The following TIAM1 variants were observed in gnomAD, a reference collection of about 807,000 sequenced individuals.
TIAM1 encodes the protein TIAM Rac1 associated GEF 1.
TIAM1 carries 65 observed loss-of-function variants against 163.5 expected under a neutral mutation model. The observed-to-expected ratio is 0.40, with a 90% confidence interval of 0.33 to 0.49. The LOEUF (loss-of-function observed/expected upper bound fraction) is 0.49, where lower values mean the gene tolerates loss of function less well. Among genes scored for constraint, TIAM1 ranks in the 20% least tolerant of loss-of-function variants. The probability of loss-of-function intolerance (pLI) is 0.77; values close to 1 mark genes in which losing one functional copy is unlikely to be tolerated. For missense variants in TIAM1, 1,789 were observed against 2,044.7 expected (o/e 0.87, Z 2.41); for synonymous variants, 833 against 810.1 (o/e 1.03, Z -0.48).
chr21:31,415,016 C>A (rs1490230159), intron 2 of TIAM1, among the ~76,000 whole-genome samples: 2 of 152,136 alleles, frequency 1.3e-5, no homozygotes, highest in African/African-American at 2.4e-5. Flanking sequence ...AAAGGGTGTA[C>A]CCCTGAGGGA....
chr21:31,339,818 A>G (rs902695122), intron 1 of TIAM1, among the ~76,000 whole-genome samples: 2 of 152,184 alleles, frequency 1.3e-5, no homozygotes, highest in African/African-American at 4.8e-5. Context: ...TCTCTTCCCT[A>G]AAAGTGTTAC....
At chr21:31,385,792 A>T (rs976228699) in intron 2 of TIAM1, among the ~76,000 whole-genome samples, 3 of 147,748 alleles carry the variant, frequency 2.0e-5, no homozygotes, top group Non-Finnish European at 4.5e-5. Context: ...ATATATAATA[A>T]ATTTTAATAA....
rs7282735 is a variant in TIAM1, at chr21:31,144,680, T to C, written c.3475+2215A>G. ...CCCGTCTCTACTAAAAATACAAAAA[T>C]TAGCTGGGCATGGTGGCGTGCACCT... On this transcript the variant is annotated intron_variant, in intron 20 of 27. Transcript: ENST00000541036. 1.4e-3 allele frequency among the ~76,000 whole-genome samples: 209 copies of C among 151,540 alleles called. 1 individual carries two copies. The highest frequency in any genetic ancestry group is 4.9e-3 in the African/African-American group (202 of 41,310).
chr21:31,454,406 C>T (rs2147333969), intron 2 of TIAM1, among the ~76,000 whole-genome samples: 1 of 152,274 alleles, frequency 6.6e-6, no homozygotes, highest in East Asian at 1.9e-4. Context: ...TACTATGATC[C>T]TTTCTTATAT....
chr21:31,476,216 T>C (rs191609948), intron 1 of TIAM1, among the ~76,000 whole-genome samples: 1 of 152,354 alleles, frequency 6.6e-6, no homozygotes, highest in East Asian at 1.9e-4. Flanking sequence ...TTAAACTCAA[T>C]GATTCTCAAC....
intron 15 of TIAM1, among the ~76,000 whole-genome samples, chr21:31,166,647 A>G (rs2084230227): frequency 6.6e-6 from 1 of 152,218 alleles, no homozygotes; most frequent in South Asian, 2.1e-4. Context: ...ACTTTTCAGT[A>G]TTCAATCACT....
At chr21:31,545,202 T>G (rs896635355) in intron 1 of TIAM1, among the ~76,000 whole-genome samples, 1 of 151,952 alleles carries the variant, frequency 6.6e-6, no homozygotes, top group Non-Finnish European at 1.5e-5. Flanking sequence ...CAGACACACA[T>G]GGAGAATGCA....
At chr21:31,425,323 C>T (rs1484122237) in intron 2 of TIAM1, among the ~76,000 whole-genome samples, 1 of 152,070 alleles carries the variant, frequency 6.6e-6, no homozygotes, top group Non-Finnish European at 1.5e-5. Flanking sequence ...TAACAAATCT[C>T]AGCAGGAGCA....
At chr21:31,382,373 G>A (rs913428046) in intron 2 of TIAM1, among the ~76,000 whole-genome samples, 2 of 152,158 alleles carry the variant, frequency 1.3e-5, no homozygotes, top group African/African-American at 4.8e-5. Flanking sequence ...AAAATAAAAA[G>A]CAGACAGATT....
intron 20 of TIAM1, among the ~76,000 whole-genome samples, chr21:31,144,023 C>T (rs997217750): frequency 2.0e-5 from 3 of 152,112 alleles, no homozygotes; most frequent in Non-Finnish European, 2.9e-5. Context: ...TGTGAGCCAC[C>T]GCACCCAGCC....
rs182991670 is a variant in TIAM1 at position 31,384,388 on chromosome 21, G to A, written c.-368-44966C>T. On this transcript the variant is annotated intron_variant, in intron 2 of 28. Transcript: ENST00000286827. ...AAGACCAGCCTGAGCAACATGGCAA[G>A]ACCCCATCTCTACAAAAAAAAAAAA... 3.0e-3 allele frequency among the ~76,000 whole-genome samples: 324 copies of A among 108,836 alleles called. 1 individual carries two copies. The highest frequency in any genetic ancestry group is 9.8e-3 in the Middle Eastern group (1 of 102). The allele number at this position is 108,836 out of a possible 152,430, so 71.4% of individuals were successfully genotyped here. A position where few individuals can be genotyped will look rare whatever the true frequency, so the allele number is the denominator to read the frequency against.
intron 5 of TIAM1, among the ~76,000 whole-genome samples, chr21:31,246,129 C>T (rs115620011): frequency 0.014 from 2,060 of 152,162 alleles, 55 homozygotes; most frequent in African/African-American, 0.047. Flanking sequence ...CAGACCATGC[C>T]CTTGGATAAA....
At chr21:31,202,692 T>C (rs1015279140) in intron 12 of TIAM1, among the ~76,000 whole-genome samples, 2 of 152,262 alleles carry the variant, frequency 1.3e-5, no homozygotes, top group African/African-American at 2.4e-5. Context: ...TGATTTGTCA[T>C]GATAGCACTG....
chr21:31,513,956 G>A (rs905494665), intron 1 of TIAM1, among the ~76,000 whole-genome samples: 8 of 152,230 alleles, frequency 5.3e-5, no homozygotes, highest in Middle Eastern at 3.4e-3. Context: ...GTAGTGAGCC[G>A]AGATGGTGCC....
At chr21:31,457,344 T>C (rs1286613114) in intron 2 of TIAM1, among the ~76,000 whole-genome samples, 2 of 152,158 alleles carry the variant, frequency 1.3e-5, no homozygotes, top group African/African-American at 4.8e-5. Context: ...CATCTTTAAA[T>C]TAAAGGCATT....
chr21:31,403,501 TC>T lies in TIAM1; in HGVS notation c.-369+60481del, dbSNP rs2077199935. 2.6e-5 allele frequency among the ~76,000 whole-genome samples: 4 copies of T among 152,130 alleles called. No individual in the cohort carries two copies. The South Asian group carries it at 8.3e-4, about 32-fold the overall frequency. On this transcript the variant is annotated intron_variant, in intron 2 of 28. Coordinates refer to the TIAM1 transcript ENST00000286827. ...ATAGTACAGAGAAAACAAAAACAACTCCCCGCTGCTTTTTTTGAAGAAAATC... is the reference window on the plus strand; with the variant it reads ...ATAGTACAGAGAAAACAAAAACAACTCCCGCTGCTTTTTTTGAAGAAAATC...
At chr21:31,173,864 G>A (rs986616829) in intron 15 of TIAM1, among the ~76,000 whole-genome samples, 13 of 152,124 alleles carry the variant, frequency 8.5e-5, no homozygotes, top group African/African-American at 3.1e-4. Flanking sequence ...TCCGAAACAT[G>A]TTTTTTCACA....
chr21:31,224,025 C>T (rs1266698362), intron 7 of TIAM1, among the ~76,000 whole-genome samples: 3 of 152,170 alleles, frequency 2.0e-5, no homozygotes, highest in South Asian at 2.1e-4. Flanking sequence ...CGGGGTAGCC[C>T]GGAACACAGG....
At chr21:31,544,640 T>C (rs2048429793) in intron 1 of TIAM1, among the ~76,000 whole-genome samples, 1 of 151,144 alleles carries the variant, frequency 6.6e-6, no homozygotes, top group African/African-American at 2.4e-5. Context: ...AATAAATAAA[T>C]AAACAAGCAA....
Sources: allele counts gnomAD v4.1 joint callset (sites outside exome capture counted in the v4.1 genomes callset), GRCh38; gene constraint gnomAD v4.1.1; transcripts MANE v1.5; gene names NCBI Gene and HGNC (gene_info 2026-07-23, HGNC 2026-07-21).